The following ZKSCAN8 variants were observed in gnomAD, a reference collection of about 807,000 sequenced individuals.
ZKSCAN8 encodes the protein zinc finger protein with KRAB and SCAN domains 8.
A neutral mutation model predicts 57.2 loss-of-function variants in ZKSCAN8; 27 were observed. The ratio of observed to expected loss-of-function variants is 0.47; its 90% CI spans 0.35 to 0.65. ZKSCAN8 has a LOEUF of 0.65. Among genes scored for constraint, ZKSCAN8 ranks in the 30% least tolerant of loss-of-function variants. The pLI is 0.01. For synonymous variants in ZKSCAN8, 214 were observed against 248.7 expected, an observed-to-expected ratio of 0.86 and a Z score of 1.31; for missense variants, 597 against 696.3, an observed-to-expected ratio of 0.86 and a Z score of 1.60.
At chr6:28,148,091 C>T (rs1283226933) in intron 1 of ZKSCAN8, among the ~76,000 whole-genome samples, 1 of 152,106 alleles carries the variant, frequency 6.6e-6, no homozygotes, top group Non-Finnish European at 1.5e-5. Context: ...CATCCCCAAA[C>T]AGGGTGATGA....
intron 5 of ZKSCAN8, 70 bp downstream of exon 5, chr6:28,152,454 C>G: frequency 6.7e-7 from 1 of 1,501,214 alleles, no homozygotes; most frequent in Non-Finnish European, 8.9e-7. Context: ...TGTATAGTAG[C>G]TACAGCCTTT....
rs1765791709 is a variant in ZKSCAN8, at chr6:28,156,607, ACT to A, written c.*2593_*2594del. 1 of 166,522 alleles carries A rather than the reference ACT, an allele frequency of 6.0e-6. No individual in the cohort carries two copies. The highest frequency in any genetic ancestry group is 2.4e-5 in the African/African-American group (1 of 42,048). 10.3% of individuals were successfully genotyped at this position (166,522 alleles called of 1,614,324 possible). A position where few individuals can be genotyped will look rare whatever the true frequency, so the allele number is the denominator to read the frequency against. Reference sequence around the variant, plus strand: ...AAATCATTCTTTGTCTCAAGTTCACACTCTTAGCATAGAATATTATTGACTAG... The same window carrying A: ...AAATCATTCTTTGTCTCAAGTTCACACTTAGCATAGAATATTATTGACTAG... On this transcript the variant is annotated 3_prime_UTR_variant, in exon 6 of 6. Transcript: ENST00000330236.
chr6:28,144,838 A>G lies in ZKSCAN8; in HGVS notation c.-93+2809A>G, dbSNP rs1765336643. Among the ~76,000 whole-genome samples the G allele has an allele frequency of 6.6e-6, 1 of 152,088 alleles. No individual in the cohort carries two copies. The highest frequency in any genetic ancestry group is 2.1e-4 in the South Asian group (1 of 4,832). ...TTTGGGAGGCCGAGGCGGGCAGATC[A>G]CGAGGTCAGGAGATCGAGACCATCC... On this transcript the variant is annotated intron_variant, in intron 1 of 5. Transcript: ENST00000330236. The surrounding 1 kb of genome is among the most constrained non-coding windows in gnomAD (Gnocchi z 4.5).
At position 28,153,196 on chromosome 6, in the gene ZKSCAN8, C is replaced by G. The variant is rs749096234; in HGVS notation, c.916C>G (p.Leu306Val). ...GLEHEEARDL[L>V]GRLERQRGNP... ...TGAGCATGAAGAAGCCCGAGACCTT[C>G]TGGGCAGATTAGAGAGGCAGCGGGG... Residue 306 changes from leucine (L) to valine (V), a missense_variant, in exon 6 of 6, where the codon CTG becomes GTG. Coordinates refer to ENST00000330236, the MANE Select transcript of ZKSCAN8 (RefSeq NM_006298.4). The G allele has an allele frequency of 1.9e-6, 3 of 1,614,140 alleles. No individual in the cohort carries two copies. The African/African-American group carries it at 4.0e-5, about 22-fold the overall frequency.
rs1765604818 is a variant in ZKSCAN8, at chr6:28,151,947, C to T, written c.651+11C>T. The T allele has an allele frequency of 1.9e-6, 3 of 1,612,680 alleles. No homozygotes were observed. The highest frequency in any genetic ancestry group is 1.3e-5 in the African/African-American group (1 of 75,000). ...ACAGCAGGGTTCCAGGTGAGTTGTG[C>T]TCCTTCTCACTGAAACGCCATAGCT... is the stretch of plus-strand genomic sequence containing the variant. On this transcript the variant is annotated intron_variant, in intron 4 of 5. Transcript: ENST00000330236.
Position 28,153,702 on chromosome 6 carries a change from C to G in ZKSCAN8, c.1422C>G (p.Ser474Arg). Residue 474 changes from serine to arginine, a missense_variant, in exon 6 of 6, where the codon AGC becomes AGG. Ser to Arg is a moderately radical substitution (Grantham distance 110). Transcript: ENST00000330236. ...CDECGKTFRR[S>R]SHLIGHQRSH... ...AGTGTGGGAAAACCTTCAGGCGGAG[C>G]TCACATCTTATTGGTCATCAGAGGA... The G allele has an allele frequency of 6.2e-7, 1 of 1,613,506 alleles. No homozygotes were observed. Among genetic ancestry groups the G allele is most frequent in the South Asian group, 1.1e-5 (1 of 91,032 alleles).
In ZKSCAN8 at chr6:28,153,111, T is replaced by C; in HGVS notation, c.831T>C (p.Thr277=). The C allele has an allele frequency of 6.2e-7, 1 of 1,614,184 alleles. No individual in the cohort carries two copies. Among genetic ancestry groups the C allele is most frequent in the Non-Finnish European group, 8.5e-7 (1 of 1,180,040 alleles). ...RELASKQVIS[T]GIQPHGETAA... is the part of the protein sequence containing the mutation. The stretch of plus-strand genomic sequence containing the variant: ...TAGCTTCAAAACAGGTAATATCTAC[T>C]GGAATCCAGCCACATGGAGAGACAG... The change falls in exon 6 of 6, where the codon ACT becomes ACC. Residue 277 remains threonine, a synonymous_variant. Coordinates refer to ENST00000330236, the MANE Select transcript of ZKSCAN8 (RefSeq NM_006298.4).
intron 1 of ZKSCAN8, among the ~76,000 whole-genome samples, chr6:28,143,015 C>G (rs1224709605): frequency 6.6e-6 from 1 of 152,106 alleles, no homozygotes; most frequent in African/African-American, 2.4e-5. Context: ...AAAAATAATA[C>G]TGTTAAAATT....
In ZKSCAN8 at chr6:28,144,913, C is replaced by T. The variant is rs369225576; in HGVS notation, c.-93+2884C>T. Reference sequence around the variant, plus strand: ...TCTACTAAAAATACAAAAAATTAGCCGGGTGTGGTGGAGGGCGCCTGTAGT... The same window carrying T: ...TCTACTAAAAATACAAAAAATTAGCTGGGTGTGGTGGAGGGCGCCTGTAGT... On this transcript the variant is annotated intron_variant, in intron 1 of 5. Coordinates refer to ENST00000330236, the MANE Select transcript of ZKSCAN8 (RefSeq NM_006298.4). This position sits in a 1 kb window ranked among gnomAD's most constrained non-coding sequence, Gnocchi z 4.5. Among the ~76,000 whole-genome samples, 2 of 152,070 alleles carry T rather than the reference C, an allele frequency of 1.3e-5. No homozygotes were observed. The highest frequency in any genetic ancestry group is 2.4e-5 in the African/African-American group (1 of 41,408).
chr6:28,145,318 A>AG (rs1765356195), intron 1 of ZKSCAN8, among the ~76,000 whole-genome samples: 1 of 152,176 alleles, frequency 6.6e-6, no homozygotes, highest in Admixed American at 6.5e-5. Context: ...GCTAGAGTAA[A>AG]GAACTCTGTA....
rs932748817 is a variant in ZKSCAN8 at position 28,156,544 on chromosome 6, A to G, written c.*2527A>G. ...AGAATTAGCCAAATGGTATAAGACA[A>G]TAGAAAAAGGCTGTGGATTCTTTGA... On this transcript the variant is annotated 3_prime_UTR_variant, in exon 6 of 6. Coordinates refer to ENST00000330236, the MANE Select transcript of ZKSCAN8 (RefSeq NM_006298.4). The G allele has an allele frequency of 4.5e-6, 1 of 220,826 alleles. No homozygotes were observed. Among genetic ancestry groups the G allele is most frequent in the Non-Finnish European group, 8.8e-6 (1 of 113,932 alleles). The allele number at this position is 220,826 out of a possible 1,614,324, so 13.7% of individuals were successfully genotyped here. A position where few individuals can be genotyped will look rare whatever the true frequency, so the allele number is the denominator to read the frequency against.
chr6:28,142,352 T>C (rs1156970125), intron 1 of ZKSCAN8: 1 of 152,190 alleles, frequency 6.6e-6, no homozygotes, highest in Non-Finnish European at 1.5e-5. Context: ...AGAGTCTGAA[T>C]TGTTTTCACT....
chr6:28,143,371 A>G (rs1765281414), intron 1 of ZKSCAN8, among the ~76,000 whole-genome samples: 1 of 152,214 alleles, frequency 6.6e-6, no homozygotes, highest in Admixed American at 6.5e-5. Flanking sequence ...ATTTGGTATA[A>G]AAAATGAACA....
In ZKSCAN8 at chr6:28,154,074, T is replaced by G; in HGVS notation, c.*57T>G. On this transcript the variant is annotated 3_prime_UTR_variant, in exon 6 of 6. Coordinates refer to ENST00000330236, the MANE Select transcript of ZKSCAN8 (RefSeq NM_006298.4). ...CAGCATTAGGGAAACCACACACTGG[T>G]GAGAGGTCTTTCAGTGTACTAAAAG... is the stretch of plus-strand genomic sequence containing the variant. 6.6e-7 allele frequency: 1 copy of G among 1,518,170 alleles called. No individual in the cohort carries two copies. The highest frequency in any genetic ancestry group is 8.8e-7 in the Non-Finnish European group (1 of 1,141,348). 94.0% of individuals were successfully genotyped at this position (1,518,170 alleles called of 1,614,324 possible).
chr6:28,152,975 CT>C (rs1183120335), intron 5 of ZKSCAN8, 80 bp from the exon 6 acceptor site: 1 of 1,548,626 alleles, frequency 6.5e-7, no homozygotes, highest in Non-Finnish European at 8.7e-7. Flanking sequence ...TCCTTTTCCC[CT>C]ATCTTCAGTT....
At position 28,148,439 on chromosome 6, in the gene ZKSCAN8, C is replaced by T. The variant is rs1374454722; in HGVS notation, c.32C>T (p.Pro11Leu). MAEESRKPSA[P>L]SPPDQTPEED... ...GAAGAATCAAGAAAGCCTTCAGCCCCATCCCCACCAGACCAGACTCCTGAA... is the reference window on the plus strand; with the variant it reads ...GAAGAATCAAGAAAGCCTTCAGCCCTATCCCCACCAGACCAGACTCCTGAA... The change falls in exon 2 of 6, where the codon CCA becomes CTA. Residue 11 changes from proline to leucine, a missense_variant. Coordinates refer to ENST00000330236, the MANE Select transcript of ZKSCAN8 (RefSeq NM_006298.4). 18 of 1,614,036 alleles carry T rather than the reference C, an allele frequency of 1.1e-5. No homozygotes were observed. Among genetic ancestry groups the T allele is most frequent in the Non-Finnish European group, 1.3e-5 (15 of 1,179,910 alleles).
At chr6:28,142,488 T>C (rs1475725873) in intron 1 of ZKSCAN8, among the ~76,000 whole-genome samples, 1 of 152,120 alleles carries the variant, frequency 6.6e-6, no homozygotes, top group Non-Finnish European at 1.5e-5. Flanking sequence ...CTTTAGTGTA[T>C]TCAGAAACTG....
rs1187062536 is a variant in ZKSCAN8, at chr6:28,158,237, C to G, written c.*4220C>G. Reference sequence around the variant, plus strand: ...GTCTTTCTTTTTTTAGTTGATCTTTCCACCCACTCCCCTTTCTCCTCTTCT... The same window carrying G: ...GTCTTTCTTTTTTTAGTTGATCTTTGCACCCACTCCCCTTTCTCCTCTTCT... On this transcript the variant is annotated 3_prime_UTR_variant, in exon 6 of 6. Transcript: ENST00000330236. 1 of 151,618 alleles carries G rather than the reference C, an allele frequency of 6.6e-6. No homozygotes were observed. Among genetic ancestry groups the G allele is most frequent in the African/African-American group, 2.4e-5 (1 of 41,280 alleles). 9.4% of individuals were successfully genotyped at this position (151,618 alleles called of 1,614,324 possible). A position where few individuals can be genotyped will look rare whatever the true frequency, so the allele number is the denominator to read the frequency against.
rs1347339458 is a variant in ZKSCAN8 at position 28,156,359 on chromosome 6, A to G, written c.*2342A>G. The G allele has an allele frequency of 2.5e-6, 1 of 396,156 alleles. No individual in the cohort carries two copies. Among genetic ancestry groups the G allele is most frequent in the Non-Finnish European group, 4.4e-6 (1 of 224,834 alleles). The allele number at this position is 396,156 out of a possible 1,614,324, so 24.5% of individuals were successfully genotyped here. On this transcript the variant is annotated 3_prime_UTR_variant, in exon 6 of 6. Transcript: ENST00000330236. ...AGCTAAAGTCTCTTTATGTGTCAGT[A>G]TTAAGAGTAATATGTAGCCAGATTA... is the stretch of plus-strand genomic sequence containing the variant.
Sources: allele counts gnomAD v4.1 joint callset (sites outside exome capture counted in the v4.1 genomes callset), GRCh38; gene constraint gnomAD v4.1.1; non-coding constraint Gnocchi (gnomAD v3.1); transcripts MANE v1.5; gene names NCBI Gene and HGNC (gene_info 2026-07-23, HGNC 2026-07-21).